Variants in AKAP6 observed in about 807,000 individuals in gnomAD.
The protein encoded by AKAP6 is A-kinase anchor protein 6.
A neutral mutation model predicts 188.5 loss-of-function variants in AKAP6; 58 were observed. The ratio of observed to expected loss-of-function variants is 0.31; its 90% CI spans 0.25 to 0.38. AKAP6 has a LOEUF of 0.38. Ranked by LOEUF, AKAP6 falls within the 10% of genes least tolerant of loss-of-function variation. The pLI is 1.00. For synonymous variants in AKAP6, 989 were observed against 998.6 expected (o/e 0.99, Z 0.18); for missense variants, 2,710 against 2,740.0 (o/e 0.99, Z 0.24).
chr14:32,549,466 G>A (rs1883356433), intron 4 of AKAP6, among the ~76,000 whole-genome samples: 1 of 152,062 alleles, frequency 6.6e-6, no homozygotes, highest in South Asian at 2.1e-4. Flanking sequence ...ATGGATATGG[G>A]GTACAAAGAG....
rs1882697923 is a variant in AKAP6 at position 32,536,781 on chromosome 14, T to C, written c.576+976T>C. On this transcript the variant is annotated intron_variant, in intron 3 of 13. Transcript: ENST00000280979. ...GTCTCATTCTTAAATACAATGGACA[T>C]ATATTTATAGAAAAAAAAGTGTTTT... Among the ~76,000 whole-genome samples the C allele has an allele frequency of 2.0e-5, 3 of 152,170 alleles. No homozygotes were observed. In the South Asian group the frequency reaches 6.2e-4, roughly 32 times the overall value.
At chr14:32,516,493 A>G (rs1881526976) in intron 2 of AKAP6, among the ~76,000 whole-genome samples, 1 of 152,226 alleles carries the variant, frequency 6.6e-6, no homozygotes, top group Non-Finnish European at 1.5e-5. Context: ...AGGCACCTTG[A>G]TCAGGTTTCT....
chr14:32,486,645 G>A (rs1448328428), intron 2 of AKAP6, among the ~76,000 whole-genome samples: 1 of 152,162 alleles, frequency 6.6e-6, no homozygotes, highest in Non-Finnish European at 1.5e-5. Flanking sequence ...AGGAATGCTT[G>A]TAATTTTTGC....
At chr14:32,466,847 T>TATATATATATATATATATA (rs1555331133) in intron 2 of AKAP6, among the ~76,000 whole-genome samples, 3 of 77,842 alleles carry the variant, frequency 3.9e-5, no homozygotes, top group Non-Finnish European at 6.6e-5. Context: ...ATATATATAT[T>TATATATATATATATATATA]TTCTTTCTTA....
chr14:32,817,490 T>TG (rs1491095685), intron 12 of AKAP6, among the ~76,000 whole-genome samples: 3,404 of 102,128 alleles, frequency 0.033, 42 homozygotes, highest in East Asian at 0.049. Flanking sequence ...TGTGTCTGTG[T>TG]TTGTGTGTGT....
intron 2 of AKAP6, among the ~76,000 whole-genome samples, chr14:32,507,048 A>C (rs1247298784): frequency 6.6e-6 from 1 of 152,208 alleles, no homozygotes; most frequent in Non-Finnish European, 1.5e-5. Context: ...TAAATATATT[A>C]GAGGGTTTTT....
rs2034826372 is a variant in AKAP6, at chr14:32,832,084, T to G, written c.*2279T>G. 1 of 152,106 alleles carries G rather than the reference T, an allele frequency of 6.6e-6. No individual in the cohort carries two copies. The highest frequency in any genetic ancestry group is 6.6e-5 in the Admixed American group (1 of 15,254). 9.4% of individuals were successfully genotyped at this position (152,106 alleles called of 1,614,324 possible). ...CTAGGCTTCTTAATAGGTAGTAATT[T>G]GTTCAAAAGCGGTTTTAGCCAGACA... is the stretch of plus-strand genomic sequence containing the variant. On this transcript the variant is annotated 3_prime_UTR_variant, in exon 14 of 14. Coordinates refer to ENST00000280979, the MANE Select transcript of AKAP6 (RefSeq NM_004274.5).
intron 8 of AKAP6, among the ~76,000 whole-genome samples, chr14:32,690,653 A>G (rs761321424): frequency 3.3e-5 from 5 of 152,204 alleles, no homozygotes; most frequent in African/African-American, 1.2e-4. Context: ...AAACTTAAAA[A>G]TAAACACTAA....
intron 5 of AKAP6, among the ~76,000 whole-genome samples, chr14:32,577,924 G>A (rs1235849488): frequency 6.6e-6 from 1 of 152,054 alleles, no homozygotes; most frequent in Admixed American, 6.6e-5. Context: ...ATGAAGGGGT[G>A]GAAACTAAGT....
chr14:32,539,169 A>C (rs570183731), intron 3 of AKAP6, among the ~76,000 whole-genome samples: 1 of 152,332 alleles, frequency 6.6e-6, no homozygotes, highest in South Asian at 2.1e-4. Context: ...GATTGTATTC[A>C]TCTTACAGAT....
chr14:32,444,609 A>T (rs561388588), intron 2 of AKAP6, among the ~76,000 whole-genome samples: 2 of 152,298 alleles, frequency 1.3e-5, no homozygotes, highest in East Asian at 3.9e-4. Context: ...ATGGAGAAGG[A>T]ATATGTGAAA....
At chr14:32,613,768 T>C (rs1886445878) in intron 7 of AKAP6, among the ~76,000 whole-genome samples, 1 of 152,150 alleles carries the variant, frequency 6.6e-6, no homozygotes, top group South Asian at 2.1e-4. Context: ...TGATCACACA[T>C]TGTTCCTCTT....
Position 32,612,275 on chromosome 14 carries a change from C to T in AKAP6, c.2730+11483C>T, listed in dbSNP as rs76333853. Among the ~76,000 whole-genome samples the T allele has an allele frequency of 6.1e-3, 934 of 152,222 alleles. 55 individuals carry two copies. In the East Asian group the frequency reaches 0.12, roughly 20 times the overall value. The stretch of plus-strand genomic sequence containing the variant: ...TCAAGTGATTACCATCCATCATGAC[C>T]GCAAACTCCTTGGGGCAGCAACTAC... On this transcript the variant is annotated intron_variant, in intron 7 of 13. Coordinates refer to ENST00000280979, the MANE Select transcript of AKAP6 (RefSeq NM_004274.5).
intron 4 of AKAP6, among the ~76,000 whole-genome samples, chr14:32,574,798 T>C (rs1179163724): frequency 6.6e-6 from 1 of 152,196 alleles, no homozygotes; most frequent in Non-Finnish European, 1.5e-5. Flanking sequence ...TTATAAACCA[T>C]CTAAATTCTG....
At chr14:32,641,621 A>G (rs1347436192) in intron 7 of AKAP6, among the ~76,000 whole-genome samples, 1 of 152,148 alleles carries the variant, frequency 6.6e-6, no homozygotes, top group Non-Finnish European at 1.5e-5. Context: ...CTTCCAGAGG[A>G]CAATCCTTGA....
chr14:32,480,622 C>G (rs1453329366), intron 2 of AKAP6, among the ~76,000 whole-genome samples: 1 of 152,106 alleles, frequency 6.6e-6, no homozygotes. Flanking sequence ...TTTTAGAACC[C>G]AAAGTTTTTT....
At chr14:32,642,445 C>G (rs972682103) in intron 7 of AKAP6, among the ~76,000 whole-genome samples, 1 of 152,166 alleles carries the variant, frequency 6.6e-6, no homozygotes, top group Non-Finnish European at 1.5e-5. Flanking sequence ...TCATGCGTCT[C>G]TATTTCAGGC....
rs1594838940 is a variant in AKAP6 at position 32,678,394 on chromosome 14, C to A, written c.2814C>A (p.Thr938=). 1 of 1,613,844 alleles carries A rather than the reference C, an allele frequency of 6.2e-7. No homozygotes were observed. Among genetic ancestry groups the A allele is most frequent in the Non-Finnish European group, 8.5e-7 (1 of 1,179,846 alleles). Residue 938 remains threonine (T), a synonymous_variant, in exon 8 of 14, where the codon ACC becomes ACA. Transcript: ENST00000280979. The part of the protein sequence containing the change: ...MSLKLYSEQY[T]SSSKRKEEFA... ...TCAAGCTGTACAGCGAGCAGTATACCAGCAGCAGCAAGCGAAAGGAAGAGT... is the reference window on the plus strand; with the variant it reads ...TCAAGCTGTACAGCGAGCAGTATACAAGCAGCAGCAAGCGAAAGGAAGAGT...
chr14:32,787,959 T>G (rs1281832935), intron 12 of AKAP6, among the ~76,000 whole-genome samples: 1 of 149,852 alleles, frequency 6.7e-6, no homozygotes, highest in East Asian at 2.0e-4. Flanking sequence ...GAGGACTGCT[T>G]GAGCCCAGGA....
Sources: allele counts gnomAD v4.1 joint callset (sites outside exome capture counted in the v4.1 genomes callset), GRCh38; gene constraint gnomAD v4.1.1; transcripts MANE v1.5; gene names NCBI Gene and HGNC (gene_info 2026-07-23, HGNC 2026-07-21).